Variants in ATP11C observed in about 807,000 individuals in gnomAD.
ATP11C encodes the protein ATPase phospholipid transporting 11C (ATP11C blood group), also known as phospholipid-transporting ATPase IG.
Under a neutral mutation model 97.4 loss-of-function variants are expected in ATP11C, and 36 were observed. The observed-to-expected ratio is 0.37, with a 90% CI of 0.28 to 0.49. The LOEUF (loss-of-function observed/expected upper bound fraction) is 0.49, where lower values mean the gene tolerates loss of function less well. Ranked by LOEUF, ATP11C falls within the 20% of genes least tolerant of loss-of-function variation. The pLI, the probability that ATP11C is intolerant of heterozygous loss-of-function variation, is 0.98. For missense variants in ATP11C, 730 were observed against 824.6 expected, an observed-to-expected ratio of 0.89 and a Z score of 1.40; for synonymous variants, 275 against 290.9, an observed-to-expected ratio of 0.95 and a Z score of 0.56.
intron 18 of ATP11C, among the ~76,000 whole-genome samples, chrX:139,776,728 T>C (rs756035487): frequency 4.4e-4 from 49 of 111,825 alleles, no homozygotes; most frequent in South Asian, 1.9e-3. Context: ...GACTGAAGCC[T>C]GAACTGCACC....
At chrX:139,763,472 TG>T (rs1013919360) in intron 20 of ATP11C, 54 bp from the exon 21 acceptor site, 1 of 951,789 alleles carries the variant, frequency 1.1e-6, no homozygotes, top group African/African-American at 1.9e-5. Context: ...AATGTAAGAC[TG>T]GGCTACTTTA....
At chrX:139,756,306 T>C (rs916524321) in intron 23 of ATP11C, among the ~76,000 whole-genome samples, 3 of 111,975 alleles carry the variant, frequency 2.7e-5, no homozygotes, top group African/African-American at 6.5e-5. Context: ...ATGGCTATTA[T>C]TAAAAAGTCA....
At chrX:139,826,857 T>C in intron 1 of ATP11C, 34 bp from the exon 2 acceptor site, 1 of 1,184,468 alleles carries the variant, frequency 8.4e-7, no homozygotes, top group African/African-American at 1.7e-5. Context: ...ATTCAGTTTT[T>C]CATCACATTT....
intron 1 of ATP11C, among the ~76,000 whole-genome samples, chrX:139,870,841 G>A (rs1306912537): frequency 2.7e-5 from 3 of 111,228 alleles, no homozygotes; most frequent in Non-Finnish European, 3.8e-5. Flanking sequence ...TGGATCATGA[G>A]GTCAGGAGAT....
chrX:139,822,612 C>A (rs2083437029), intron 2 of ATP11C, among the ~76,000 whole-genome samples: 1 of 110,619 alleles, frequency 9.0e-6, no homozygotes, highest in South Asian at 3.9e-4. Flanking sequence ...CGGGGTTTCA[C>A]CATGTTGGTC....
At chrX:139,924,243 G>A (rs377596613) in intron 1 of ATP11C, 14 of 380,363 alleles carry the variant, frequency 3.7e-5, no homozygotes, top group African/African-American at 1.3e-4. Context: ...ATTTACCACC[G>A]GCAGGCTGCT....
At chrX:139,866,294 A>C (rs1478761697) in intron 1 of ATP11C, among the ~76,000 whole-genome samples, 2 of 98,258 alleles carry the variant, frequency 2.0e-5, no homozygotes, top group African/African-American at 7.4e-5. Context: ...CAGTGAGCCA[A>C]GGTTGCACCA....
chrX:139,899,979 G>A (rs972246002), intron 1 of ATP11C, among the ~76,000 whole-genome samples: 2 of 111,423 alleles, frequency 1.8e-5, no homozygotes, highest in Non-Finnish European at 3.8e-5. Flanking sequence ...GGGGATGAGC[G>A]ACCTATTTTA....
At chrX:139,847,378 G>C (rs2083924903) in intron 1 of ATP11C, among the ~76,000 whole-genome samples, 1 of 108,389 alleles carries the variant, frequency 9.2e-6, no homozygotes, top group African/African-American at 3.4e-5. Context: ...GTGAGACCCT[G>C]TCTCATCAAC....
At chrX:139,904,805 T>C (rs987050820) in intron 1 of ATP11C, among the ~76,000 whole-genome samples, 1 of 111,116 alleles carries the variant, frequency 9.0e-6, no homozygotes, top group Non-Finnish European at 1.9e-5. Flanking sequence ...CCGCACACAG[T>C]AGAAACAGAA....
chrX:139,870,395 T>G, intron 1 of ATP11C, among the ~76,000 whole-genome samples: 1 of 112,314 alleles, frequency 8.9e-6, no homozygotes, highest in Non-Finnish European at 1.9e-5. Context: ...GTTCCAAATG[T>G]TATTTTTACA....
At chrX:139,915,759 A>G (rs191766664) in intron 1 of ATP11C, among the ~76,000 whole-genome samples, 25 of 112,491 alleles carry the variant, frequency 2.2e-4, no homozygotes, top group Non-Finnish European at 1.3e-4. Flanking sequence ...ATAGTTGTAC[A>G]TATTTTAGGA....
chrX:139,788,427 T>C (rs1483698047), intron 13 of ATP11C, 84 bp from the exon 14 acceptor site: 3 of 862,403 alleles, frequency 3.5e-6, no homozygotes, highest in Non-Finnish European at 5.0e-6. Flanking sequence ...AATATATTAA[T>C]GTGAGAGAAT....
At chrX:139,763,462 A>G (rs2082076096) in intron 20 of ATP11C, 44 bp from the exon 21 acceptor site, 2 of 1,007,484 alleles carry the variant, frequency 2.0e-6, no homozygotes, top group East Asian at 3.1e-5. Context: ...GTCAAAGAAG[A>G]ATGTAAGACT....
chrX:139,823,059 A>T (rs1427174369), intron 2 of ATP11C, among the ~76,000 whole-genome samples: 2 of 110,150 alleles, frequency 1.8e-5, no homozygotes, highest in African/African-American at 6.6e-5. Context: ...TCTATTAAAA[A>T]CACAAAAAAT....
chrX:139,742,877 ATATAT>A lies in ATP11C; in HGVS notation c.3030+677_3030+681del, dbSNP rs1395562605. 2.9e-3 allele frequency among the ~76,000 whole-genome samples: 199 copies of A among 68,349 alleles called. 1 individual carries two copies. The highest frequency in any genetic ancestry group is 0.012 in the African/African-American group (185 of 15,814). The allele number at this position is 68,349 out of a possible 115,157, so 59.4% of individuals were successfully genotyped here. On this transcript the variant is annotated intron_variant, in intron 26 of 29. Coordinates refer to ENST00000682941, the MANE Select transcript of ATP11C (RefSeq NM_001353812.2). ...TTATTTTTAAATTAAAAAAAAAAAA[ATATAT>A]ATATATATATATATATATATATATA... is the stretch of plus-strand genomic sequence containing the variant.
intron 1 of ATP11C, among the ~76,000 whole-genome samples, chrX:139,854,998 T>C: frequency 1.8e-5 from 2 of 112,296 alleles, no homozygotes; most frequent in Middle Eastern, 4.7e-3. Context: ...AAAGAGTCTA[T>C]AAAAATCTTA....
At chrX:139,839,297 G>A (rs1020338258) in intron 1 of ATP11C, among the ~76,000 whole-genome samples, 2 of 111,640 alleles carry the variant, frequency 1.8e-5, no homozygotes, top group African/African-American at 3.3e-5. Context: ...CCGGAACTAG[G>A]TACGAGTTTG....
chrX:139,784,474 A>C (rs2082531711), intron 16 of ATP11C, among the ~76,000 whole-genome samples: 1 of 111,330 alleles, frequency 9.0e-6, no homozygotes, highest in South Asian at 3.8e-4. Context: ...GTAAAACGTA[A>C]ATTACTGGGA....
Sources: gnomAD v4.1 joint callset for allele counts (sites outside exome capture counted in the v4.1 genomes callset) on GRCh38, gnomAD v4.1.1 for gene constraint, MANE v1.5 for transcripts, NCBI Gene and HGNC (gene_info 2026-07-23, HGNC 2026-07-21) for gene names.